MOXD1: variants seen among roughly 807,000 people sequenced by gnomAD.
MOXD1 encodes DBH-like monooxygenase protein 1.
MOXD1 carries 62 observed loss-of-function variants against 66.6 expected under a neutral mutation model. That is an observed-to-expected ratio of 0.93 (90% CI 0.76 to 1.15). MOXD1 has a LOEUF of 1.15. Ranked by LOEUF, MOXD1 falls within the 50% of genes most tolerant of loss-of-function variation. The probability of loss-of-function intolerance (pLI) is 0.00; values close to 1 mark genes in which losing one functional copy is unlikely to be tolerated. For synonymous variants in MOXD1, 303 were observed against 281.9 expected (o/e 1.07, Z -0.75); for missense variants, 847 against 754.6 (o/e 1.12, Z -1.44).
intron 4 of MOXD1, among the ~76,000 whole-genome samples, chr6:132,339,172 T>G (rs1358713374): frequency 6.6e-6 from 1 of 152,196 alleles, no homozygotes; most frequent in African/African-American, 2.4e-5. Context: ...TGTATAAGAC[T>G]TAGCTATATT....
rs1776340025 is a variant in MOXD1, at chr6:132,374,658, T to G, written c.384A>C (p.Thr128=). ...TTATACTCTTGTCATTTATGTCACA[T>G]GTATGCAGCTCTCTGGTAAATTCAA... is the stretch of plus-strand genomic sequence containing the variant. The part of the protein sequence containing the change: ...TIIEFTRELH[T]CDINDKSITD... The change falls in exon 2 of 12, where the codon ACA becomes ACC. Residue 128 remains threonine (T), a synonymous_variant. Coordinates refer to ENST00000367963, the MANE Select transcript of MOXD1 (RefSeq NM_015529.4). 1 of 1,613,854 alleles carries G rather than the reference T, an allele frequency of 6.2e-7. No individual in the cohort carries two copies. The highest frequency in any genetic ancestry group is 8.5e-7 in the Non-Finnish European group (1 of 1,179,982).
chr6:132,363,755 CA>C (rs879444246), intron 4 of MOXD1, among the ~76,000 whole-genome samples: 13 of 151,788 alleles, frequency 8.6e-5, no homozygotes, highest in Non-Finnish European at 1.6e-4. Flanking sequence ...TTTAAAGTAT[CA>C]AAAAAACAAG....
chr6:132,374,761 G>T lies in MOXD1; in HGVS notation c.281C>A (p.Ala94Glu). The T allele has an allele frequency of 1.2e-6, 2 of 1,613,406 alleles. No homozygotes were observed. The highest frequency in any genetic ancestry group is 8.5e-7 in the Non-Finnish European group (1 of 1,179,600). The change falls in exon 2 of 12, where the codon GCA becomes GAA. Residue 94 changes from alanine (A) to glutamate (E), a missense_variant. Transcript: ENST00000367963. ...AGCATCTTTTTTCAACTCTCTATTT[G>T]CATTTGTAAAATAATCCTGTGGAAA... ...RPYLQDYFTN[A>E]NRELKKDAQQ...
chr6:132,348,294 T>G (rs895498622), intron 4 of MOXD1, among the ~76,000 whole-genome samples: 3 of 152,240 alleles, frequency 2.0e-5, no homozygotes, highest in African/African-American at 7.2e-5. Context: ...ATCATTCATA[T>G]AACAACCACC....
At chr6:132,370,877 C>A (rs770925735) in intron 4 of MOXD1, among the ~76,000 whole-genome samples, 21 of 152,076 alleles carry the variant, frequency 1.4e-4, no homozygotes, top group Non-Finnish European at 2.8e-4. Context: ...TAATATGCTT[C>A]ATATAGGAAA....
chr6:132,330,495 T>C (rs1490753255), intron 4 of MOXD1, among the ~76,000 whole-genome samples: 8 of 152,218 alleles, frequency 5.3e-5, no homozygotes, highest in Non-Finnish European at 1.5e-5. Context: ...CTGTCTTCCA[T>C]GAAACCAGTT....
intron 1 of MOXD1, among the ~76,000 whole-genome samples, chr6:132,384,270 CTTCCT>C (rs1459978312): frequency 7.7e-6 from 1 of 129,394 alleles, no homozygotes; most frequent in Non-Finnish European, 1.6e-5. Context: ...TCCTTCCTTC[CTTCCT>C]TCCTTCCTTC....
At position 132,401,340 on chromosome 6, in the gene MOXD1, G is replaced by A; in HGVS notation, c.87C>T (p.Thr29=). The part of the protein sequence containing the change: ...GGSGRTYPHR[T]LLDSEGKYWL... ...AGTACTTGCCCTCCGAGTCCAGGAG[G>A]GTCCGGTGCGGATAGGTTCGGCCCG... The change falls in exon 1 of 12, where the codon ACC becomes ACT. Residue 29 remains threonine, a synonymous_variant. Coordinates refer to ENST00000367963, the MANE Select transcript of MOXD1 (RefSeq NM_015529.4). 3 of 1,580,026 alleles carry A rather than the reference G, an allele frequency of 1.9e-6. No individual in the cohort carries two copies. The highest frequency in any genetic ancestry group is 2.3e-5 in the East Asian group (1 of 42,708).
chr6:132,306,198 C>T (rs140660073), intron 10 of MOXD1, among the ~76,000 whole-genome samples: 6 of 151,788 alleles, frequency 4.0e-5, no homozygotes, highest in Non-Finnish European at 7.4e-5. Context: ...AAATACAGCA[C>T]GAGAATTTCA....
intron 4 of MOXD1, among the ~76,000 whole-genome samples, chr6:132,353,364 G>A (rs549459700): frequency 3.9e-5 from 6 of 152,130 alleles, no homozygotes; most frequent in East Asian, 1.9e-4. Flanking sequence ...TAATAGTGGC[G>A]AATTCTCTCA....
At position 132,329,691 on chromosome 6, in the gene MOXD1, G is replaced by A. The variant is rs188818868; in HGVS notation, c.664-1097C>T. Among the ~76,000 whole-genome samples the A allele has an allele frequency of 2.9e-3, 445 of 151,980 alleles. 3 individuals are homozygous for A. Among genetic ancestry groups the A allele is most frequent in the Middle Eastern group, 0.027 (8 of 294 alleles). ...GAATTAAATTGTAATCTGACCTCCAGATTACAAATTGAGGGTATAGCCTAA... is the reference window on the plus strand; with the variant it reads ...GAATTAAATTGTAATCTGACCTCCAAATTACAAATTGAGGGTATAGCCTAA... On this transcript the variant is annotated intron_variant, in intron 4 of 11. Coordinates refer to ENST00000367963, the MANE Select transcript of MOXD1 (RefSeq NM_015529.4).
intron 1 of MOXD1, among the ~76,000 whole-genome samples, chr6:132,397,111 G>A (rs1292849121): frequency 6.6e-6 from 1 of 152,194 alleles, no homozygotes; most frequent in African/African-American, 2.4e-5. Context: ...CAGCCACACA[G>A]AGAGGCTATG....
At position 132,401,045 on chromosome 6, in the gene MOXD1, G is replaced by A. The variant is rs1023558404; in HGVS notation, c.264+118C>T. On this transcript the variant is annotated intron_variant, in intron 1 of 11. Transcript: ENST00000367963. ...GAGAGTGAGCGTGGCCGGGGGCGCG[G>A]GGCTGCGCCAGGTGAGAGAGAGCTG... 7.1e-6 allele frequency: 9 copies of A among 1,265,824 alleles called. No homozygotes were observed. In the African/African-American group the frequency reaches 1.3e-4, roughly 18 times the overall value. The allele number at this position is 1,265,824 out of a possible 1,614,324, so 78.4% of individuals were successfully genotyped here. A position where few individuals can be genotyped will look rare whatever the true frequency, so the allele number is the denominator to read the frequency against.
At chr6:132,386,102 C>CAA (rs562046512) in intron 1 of MOXD1, among the ~76,000 whole-genome samples, 1 of 89,078 alleles carries the variant, frequency 1.1e-5, no homozygotes, top group African/African-American at 4.2e-5. Flanking sequence ...GACTGCGTCT[C>CAA]AAAAAAAAAA....
intron 4 of MOXD1, among the ~76,000 whole-genome samples, chr6:132,353,852 T>C (rs927233876): frequency 3.3e-5 from 5 of 152,114 alleles, no homozygotes; most frequent in Admixed American, 1.3e-4. Flanking sequence ...TTGGAGGCCT[T>C]GTTTATATTT....
intron 10 of MOXD1, among the ~76,000 whole-genome samples, chr6:132,301,970 C>T (rs887423235): frequency 6.6e-5 from 10 of 152,110 alleles, no homozygotes; most frequent in Non-Finnish European, 1.2e-4. Context: ...CAGAAAATGA[C>T]GATCTCAATA....
chr6:132,357,524 T>G (rs1003847471), intron 4 of MOXD1, among the ~76,000 whole-genome samples: 16 of 151,904 alleles, frequency 1.1e-4, no homozygotes, highest in Admixed American at 9.2e-4. Context: ...GTAAAAGTAA[T>G]GAATTCCAAG....
chr6:132,395,555 A>C (rs987501333), intron 1 of MOXD1, among the ~76,000 whole-genome samples: 2 of 152,168 alleles, frequency 1.3e-5, no homozygotes, highest in East Asian at 3.8e-4. Flanking sequence ...ATGTAAACAA[A>C]TTAAAACTTT....
At chr6:132,347,224 G>C (rs185249988) in intron 4 of MOXD1, among the ~76,000 whole-genome samples, 23 of 152,216 alleles carry the variant, frequency 1.5e-4, no homozygotes, top group African/African-American at 4.8e-4. Context: ...TTGCACCCTG[G>C]TCCAACTGGT....
Sources: allele counts gnomAD v4.1 joint callset (sites outside exome capture counted in the v4.1 genomes callset), GRCh38; gene constraint gnomAD v4.1.1; transcripts MANE v1.5; gene names NCBI Gene and HGNC (gene_info 2026-07-23, HGNC 2026-07-21).